The following DOCK7 variants were observed in gnomAD, a reference collection of about 807,000 sequenced individuals.
The protein encoded by DOCK7 is dedicator of cytokinesis 7.
Under a neutral mutation model 271.0 loss-of-function variants are expected in DOCK7, and 138 were observed. The observed-to-expected ratio is 0.51, with a 90% CI of 0.44 to 0.59. The LOEUF (loss-of-function observed/expected upper bound fraction) is 0.59, where lower values mean the gene tolerates loss of function less well. Among genes scored for constraint, DOCK7 ranks in the 20% least tolerant of loss-of-function variants. The pLI, the probability that DOCK7 is intolerant of heterozygous loss-of-function variation, is 0.00. For missense variants in DOCK7, 2,066 were observed against 2,592.4 expected (o/e 0.80, Z 4.41); for synonymous variants, 823 against 876.1 (o/e 0.94, Z 1.07).
chr1:62,656,329 T>C (rs544464718), intron 2 of DOCK7, among the ~76,000 whole-genome samples: 2 of 152,206 alleles, frequency 1.3e-5, no homozygotes, highest in Admixed American at 6.5e-5. Context: ...AAAGAAAAAT[T>C]TGATTCCTTA....
chr1:62,537,880 A>T lies in DOCK7; in HGVS notation c.3471+11T>A. On this transcript the variant is annotated intron_variant, in intron 28 of 49. Transcript: ENST00000635253. ...ACTTTAAATATATGTATATTCACACAATTTGCATACCTGAGATGTTGCAGA... is the reference window on the plus strand; with the variant it reads ...ACTTTAAATATATGTATATTCACACTATTTGCATACCTGAGATGTTGCAGA... 2 of 1,609,274 alleles carry T rather than the reference A, an allele frequency of 1.2e-6. No individual in the cohort carries two copies. Among genetic ancestry groups the T allele is most frequent in the Non-Finnish European group, 1.7e-6 (2 of 1,176,770 alleles).
At chr1:62,643,126 G>A (rs1351648045) in intron 7 of DOCK7, among the ~76,000 whole-genome samples, 1 of 152,160 alleles carries the variant, frequency 6.6e-6, no homozygotes, top group Non-Finnish European at 1.5e-5. Context: ...TACTTTCCCA[G>A]TTGACATTAA....
intron 33 of DOCK7, 38 bp from the exon 34 acceptor site, chr1:62,510,711 T>C: frequency 6.6e-7 from 1 of 1,516,290 alleles, no homozygotes; most frequent in Non-Finnish European, 9.1e-7. Flanking sequence ...TCAAATGTTA[T>C]TTCAGTTGGA....
chr1:62,556,515 T>C (rs1175659118), intron 20 of DOCK7, among the ~76,000 whole-genome samples: 1 of 148,764 alleles, frequency 6.7e-6, no homozygotes, highest in Non-Finnish European at 1.5e-5. Context: ...GTAAAATGAT[T>C]AGAAGGAAAA....
At chr1:62,535,395 G>A (rs1306008227) in intron 29 of DOCK7, 98 bp downstream of exon 29, 2 of 1,013,950 alleles carry the variant, frequency 2.0e-6, no homozygotes, top group Non-Finnish European at 1.4e-6. Flanking sequence ...GAGTGTGAAA[G>A]ATTATTCTCC....
rs1409282507 is a variant in DOCK7, at chr1:62,528,317, T to A, written c.3782-12A>T. The A allele has an allele frequency of 6.2e-7, 1 of 1,600,852 alleles. No individual in the cohort carries two copies. Among genetic ancestry groups the A allele is most frequent in the Admixed American group, 1.7e-5 (1 of 58,308 alleles). ...TTGATTGTGAGTTTCTAAAGAAAAA[T>A]AATCCAAAAAAATAAATAAAACTGT... On this transcript the variant is annotated splice_polypyrimidine_tract_variant and intron_variant, in intron 30 of 49. Coordinates refer to ENST00000635253, the MANE Select transcript of DOCK7 (RefSeq NM_001367561.1).
At chr1:62,607,621 A>G (rs1651190552) in intron 14 of DOCK7, 1 of 152,252 alleles carries the variant, frequency 6.6e-6, no homozygotes, top group Admixed American at 6.5e-5. Context: ...CATCTACTGA[A>G]GAAGTGTAAC....
chr1:62,513,671 T>G, intron 32 of DOCK7, 45 bp downstream of exon 32: 1 of 1,605,812 alleles, frequency 6.2e-7, no homozygotes, highest in Non-Finnish European at 8.5e-7. Context: ...TTCCACATTA[T>G]GTTTCTCCTT....
At chr1:62,457,457 A>T (rs1436302885) in intron 49 of DOCK7, 81 bp downstream of exon 49, 2 of 1,367,464 alleles carry the variant, frequency 1.5e-6, no homozygotes, top group African/African-American at 2.9e-5. Flanking sequence ...CAGATGCTCG[A>T]GCTGTAAAAA....
chr1:62,565,410 G>C (rs147176924), intron 18 of DOCK7, among the ~76,000 whole-genome samples: 1 of 152,142 alleles, frequency 6.6e-6, no homozygotes, highest in Non-Finnish European at 1.5e-5. Flanking sequence ...TTCAACATAC[G>C]CAAATAAATA....
chr1:62,535,617 T>C lies in DOCK7; in HGVS notation c.3487A>G (p.Thr1163Ala), dbSNP rs772981277. Residue 1163 changes from threonine to alanine, a missense_variant, in exon 29 of 50, where the codon ACG becomes GCG. Physicochemically the swap from Thr to Ala is moderately conservative, Grantham distance 58 (BLOSUM62 0). Coordinates refer to ENST00000635253, the MANE Select transcript of DOCK7 (RefSeq NM_001367561.1). Reference protein sequence around the residue: ...SATSQSSGFSTNVQDQKIANM... With the variant: ...SATSQSSGFSANVQDQKIANM... ...GCAATCTTTTGGTCTTGTACATTCGTAGAAAATCCAGAACTCTGTTGGAAA... is the reference window on the plus strand; with the variant it reads ...GCAATCTTTTGGTCTTGTACATTCGCAGAAAATCCAGAACTCTGTTGGAAA... The C allele has an allele frequency of 3.1e-6, 5 of 1,613,550 alleles. No homozygotes were observed. The East Asian group carries it at 8.9e-5, about 29-fold the overall frequency.
intron 23 of DOCK7, among the ~76,000 whole-genome samples, chr1:62,544,245 A>G (rs1269379528): frequency 1.3e-5 from 2 of 152,194 alleles, no homozygotes; most frequent in Non-Finnish European, 2.9e-5. Flanking sequence ...TTAGAAATGG[A>G]ATTAAAAATT....
In DOCK7 at chr1:62,590,985, C is replaced by T. The variant is rs527641745; in HGVS notation, c.1683-4361G>A. On this transcript the variant is annotated intron_variant, in intron 14 of 49. Coordinates refer to ENST00000635253, the MANE Select transcript of DOCK7 (RefSeq NM_001367561.1). ...ACCATTCGACCCAGCAATCCCATTACTGTGTATATACCCGGAGGAATATAA... is the reference window on the plus strand; with the variant it reads ...ACCATTCGACCCAGCAATCCCATTATTGTGTATATACCCGGAGGAATATAA... 1.2e-4 allele frequency among the ~76,000 whole-genome samples: 18 copies of T among 152,236 alleles called. No individual in the cohort carries two copies. The South Asian group carries it at 3.5e-3, about 30-fold the overall frequency.
intron 12 of DOCK7, 75 bp from the exon 13 acceptor site, chr1:62,620,068 C>T: frequency 4.1e-6 from 5 of 1,228,968 alleles, no homozygotes; most frequent in Non-Finnish European, 5.8e-6. Flanking sequence ...GCCTGTAATC[C>T]TAGCACTTTG....
At chr1:62,642,426 T>C (rs1055442942) in intron 7 of DOCK7, among the ~76,000 whole-genome samples, 2 of 152,166 alleles carry the variant, frequency 1.3e-5, no homozygotes, top group African/African-American at 4.8e-5. Context: ...TCTAAGTGTT[T>C]TTCCATTCTT....
At chr1:62,653,948 T>C (rs755187803) in intron 3 of DOCK7, 36 bp downstream of exon 3, 11 of 1,594,928 alleles carry the variant, frequency 6.9e-6, no homozygotes, top group African/African-American at 1.4e-5. Context: ...TTTCTATAGT[T>C]CCTCTAAAGC....
rs375208518 is a variant in DOCK7, at chr1:62,510,602, G to A, written c.4354C>T (p.Arg1452Cys). The A allele has an allele frequency of 3.7e-6, 6 of 1,612,744 alleles. No homozygotes were observed. The highest frequency in any genetic ancestry group is 2.2e-5 in the South Asian group (2 of 90,958). ...LRWRKDMTHWRQNTEKLDKSR... is the reference protein window; with the variant it reads ...LRWRKDMTHWCQNTEKLDKSR... ...TTGTCAAGCTTCTCTGTGTTTTGACGCCAGTGAGTCATATCTTTCCTCCAC... is the reference window on the plus strand; with the variant it reads ...TTGTCAAGCTTCTCTGTGTTTTGACACCAGTGAGTCATATCTTTCCTCCAC... The change falls in exon 34 of 50, where the codon CGT becomes TGT. Residue 1452 changes from arginine (R) to cysteine (C), a missense_variant. By Grantham distance (180) the Arg-to-Cys change is radical. Coordinates refer to ENST00000635253, the MANE Select transcript of DOCK7 (RefSeq NM_001367561.1).
At chr1:62,625,220 C>T in intron 12 of DOCK7, 39 bp downstream of exon 12, 1 of 1,603,834 alleles carries the variant, frequency 6.2e-7, no homozygotes, top group South Asian at 1.1e-5. Context: ...AATTTATGCA[C>T]AAACATCTCC....
chr1:62,515,706 C>A (rs1358766736), intron 31 of DOCK7, among the ~76,000 whole-genome samples: 1 of 152,154 alleles, frequency 6.6e-6, no homozygotes, highest in Non-Finnish European at 1.5e-5. Flanking sequence ...TCAGGTTTTC[C>A]TGGAACTTTG....
Sources: allele counts gnomAD v4.1 joint callset (sites outside exome capture counted in the v4.1 genomes callset), GRCh38; gene constraint gnomAD v4.1.1; transcripts MANE v1.5; gene names NCBI Gene and HGNC (gene_info 2026-07-23, HGNC 2026-07-21).